EPHA6: variants seen among roughly 807,000 people sequenced by gnomAD.
EPHA6 encodes the protein EPH receptor A6, also known as ephrin type-A receptor 6.
Under a neutral mutation model 112.0 loss-of-function variants are expected in EPHA6, and 50 were observed. The observed-to-expected ratio is 0.45, with a 90% confidence interval of 0.36 to 0.56. The LOEUF (loss-of-function observed/expected upper bound fraction) is 0.56, where lower values mean the gene tolerates loss of function less well. EPHA6 is among the 20% of genes least tolerant of loss of function. The probability of loss-of-function intolerance (pLI) is 0.00; values close to 1 mark genes in which losing one functional copy is unlikely to be tolerated. For missense variants in EPHA6, 1,280 were observed against 1,417.4 expected (o/e 0.90, Z 1.56); for synonymous variants, 529 against 490.7 (o/e 1.08, Z -1.03).
intron 14 of EPHA6, among the ~76,000 whole-genome samples, chr3:97,681,822 T>G (rs2031883631): frequency 6.6e-6 from 1 of 152,022 alleles, no homozygotes; most frequent in Non-Finnish European, 1.5e-5. Context: ...GGCATGATAC[T>G]CACTAAACTC....
At chr3:97,534,983 T>C (rs1228902613) in intron 11 of EPHA6, among the ~76,000 whole-genome samples, 6 of 152,046 alleles carry the variant, frequency 3.9e-5, no homozygotes, top group Admixed American at 3.9e-4. Context: ...ATTTTCTTAC[T>C]TTAATAAATC....
At chr3:97,718,681 C>A (rs1287163756) in intron 14 of EPHA6, among the ~76,000 whole-genome samples, 1 of 152,156 alleles carries the variant, frequency 6.6e-6, no homozygotes, top group Non-Finnish European at 1.5e-5. Flanking sequence ...GCTACTGTCA[C>A]CAACTTTGTA....
chr3:97,437,772 G>C (rs930272891), intron 6 of EPHA6, among the ~76,000 whole-genome samples: 3 of 151,982 alleles, frequency 2.0e-5, no homozygotes, highest in African/African-American at 7.2e-5. Flanking sequence ...AAGGTGCTGG[G>C]ATTACAGGTG....
At chr3:97,720,450 TA>T in intron 15 of EPHA6, 40 bp downstream of exon 15, 1 of 1,537,096 alleles carries the variant, frequency 6.5e-7, no homozygotes, top group East Asian at 2.4e-5. Context: ...TTTGTGAATG[TA>T]AACACATTAG....
At chr3:97,118,213 C>T (rs1464124302) in intron 3 of EPHA6, among the ~76,000 whole-genome samples, 3 of 151,734 alleles carry the variant, frequency 2.0e-5, no homozygotes, top group African/African-American at 7.3e-5. Context: ...TTCAGAGAAT[C>T]TGTCAACTTC....
chr3:97,254,241 T>C lies in EPHA6; in HGVS notation c.1606+9954T>C, dbSNP rs187889790. Among the ~76,000 whole-genome samples the C allele has an allele frequency of 7.9e-4, 121 of 152,206 alleles. 1 individual carries two copies. The East Asian group carries it at 0.02, about 25-fold the overall frequency. ...TCTTGCCCTGTCGCCCAGGCTGGAG[T>C]GCAGTGGCGCGATCTCGGCTCACTG... is the stretch of plus-strand genomic sequence containing the variant. On this transcript the variant is annotated intron_variant, in intron 5 of 17. Transcript: ENST00000389672.
At chr3:97,442,561 C>T (rs2090171797) in intron 6 of EPHA6, among the ~76,000 whole-genome samples, 1 of 152,120 alleles carries the variant, frequency 6.6e-6, no homozygotes, top group Non-Finnish European at 1.5e-5. Flanking sequence ...CAGGACGAGA[C>T]TCTGCCTCAA....
At chr3:97,675,606 C>T (rs556729064) in intron 14 of EPHA6, among the ~76,000 whole-genome samples, 2 of 152,230 alleles carry the variant, frequency 1.3e-5, no homozygotes, top group African/African-American at 4.8e-5. Context: ...TTTATAATTG[C>T]TTATATGATA....
At chr3:96,878,212 G>A (rs1357059968) in intron 2 of EPHA6, among the ~76,000 whole-genome samples, 1 of 151,828 alleles carries the variant, frequency 6.6e-6, no homozygotes, top group Admixed American at 6.6e-5. Flanking sequence ...CTGTTGATAA[G>A]CATTATACTA....
intron 14 of EPHA6, among the ~76,000 whole-genome samples, chr3:97,669,044 C>G (rs2030490788): frequency 6.7e-6 from 1 of 149,474 alleles, no homozygotes; most frequent in Non-Finnish European, 1.5e-5. Flanking sequence ...ATAGCCAACT[C>G]AGTTGTATCA....
chr3:97,065,284 G>T (rs75838849), intron 3 of EPHA6, among the ~76,000 whole-genome samples: 1 of 152,186 alleles, frequency 6.6e-6, no homozygotes, highest in African/African-American at 2.4e-5. Flanking sequence ...AAATTGAATT[G>T]TTACTGAGGT....
At chr3:96,842,930 T>C (rs1370189649) in intron 1 of EPHA6, among the ~76,000 whole-genome samples, 4 of 152,104 alleles carry the variant, frequency 2.6e-5, no homozygotes, top group African/African-American at 9.6e-5. Context: ...TTCTCCCAGC[T>C]GCAGTTTTCA....
At chr3:97,565,960 C>A (rs566939327) in intron 11 of EPHA6, among the ~76,000 whole-genome samples, 1 of 146,436 alleles carries the variant, frequency 6.8e-6, no homozygotes, top group South Asian at 2.1e-4. Context: ...GTGGAGGTTG[C>A]AGTGAGCCGA....
intron 1 of EPHA6, among the ~76,000 whole-genome samples, chr3:96,852,869 C>A (rs1381064361): frequency 6.6e-6 from 1 of 152,096 alleles, no homozygotes; most frequent in African/African-American, 2.4e-5. Context: ...TTGCTTTATA[C>A]ATTTTCTTTG....
chr3:97,046,408 A>G (rs1039389213), intron 3 of EPHA6, among the ~76,000 whole-genome samples: 1 of 152,154 alleles, frequency 6.6e-6, no homozygotes, highest in Non-Finnish European at 1.5e-5. Flanking sequence ...TAAAAATAGA[A>G]CACAATGTCC....
chr3:97,295,942 G>A (rs540239011), intron 5 of EPHA6, among the ~76,000 whole-genome samples: 1 of 152,194 alleles, frequency 6.6e-6, no homozygotes, highest in East Asian at 1.9e-4. Flanking sequence ...CTATCCTTGG[G>A]ACCCTGGATG....
intron 11 of EPHA6, among the ~76,000 whole-genome samples, chr3:97,540,650 A>G (rs2092835783): frequency 6.6e-6 from 1 of 152,130 alleles, no homozygotes; most frequent in East Asian, 1.9e-4. Context: ...AGACTACACT[A>G]TGTAGTAACA....
intron 5 of EPHA6, among the ~76,000 whole-genome samples, chr3:97,303,970 C>T (rs938816342): frequency 6.6e-6 from 1 of 151,930 alleles, no homozygotes; most frequent in Non-Finnish European, 1.5e-5. Context: ...CCCTTGTTAG[C>T]TGTATTCCTA....
intron 5 of EPHA6, among the ~76,000 whole-genome samples, chr3:97,316,636 A>G (rs2081855195): frequency 6.6e-6 from 1 of 151,918 alleles, no homozygotes; most frequent in African/African-American, 2.4e-5. Flanking sequence ...ATTTATTTTT[A>G]GATTCAGGTT....
Sources: gnomAD v4.1 joint callset for allele counts (sites outside exome capture counted in the v4.1 genomes callset) on GRCh38, gnomAD v4.1.1 for gene constraint, MANE v1.5 for transcripts, NCBI Gene and HGNC (gene_info 2026-07-23, HGNC 2026-07-21) for gene names.